Variants in SSBP2 observed in about 807,000 individuals in gnomAD.
SSBP2 encodes the protein single stranded DNA binding protein 2.
In SSBP2, 17 loss-of-function variants were observed where a neutral mutation model predicts 61.8. The observed-to-expected ratio is 0.28, with a 90% CI of 0.19 to 0.41. The LOEUF (loss-of-function observed/expected upper bound fraction) is 0.41, where lower values mean the gene tolerates loss of function less well. Among genes scored for constraint, SSBP2 ranks in the 10% least tolerant of loss-of-function variants. The pLI, the probability that SSBP2 is intolerant of heterozygous loss-of-function variation, is 1.00. For synonymous variants in SSBP2, 139 were observed against 141.3 expected, an observed-to-expected ratio of 0.98 and a Z score of 0.12; for missense variants, 310 against 458.7, an observed-to-expected ratio of 0.68 and a Z score of 2.96.
intron 1 of SSBP2, among the ~76,000 whole-genome samples, chr5:81,729,895 TAA>T (rs1249378234): frequency 6.6e-6 from 1 of 152,060 alleles, no homozygotes; most frequent in Non-Finnish European, 1.5e-5. Flanking sequence ...TAGGTCAAAA[TAA>T]ATAGTTATAT....
At chr5:81,636,648 CTAA>C (rs762750089) in intron 2 of SSBP2, 30 bp from the exon 3 acceptor site, 16 of 1,505,018 alleles carry the variant, frequency 1.1e-5, no homozygotes, top group Non-Finnish European at 1.2e-5. Context: ...TATTACTTTC[CTAA>C]TAATACTTTT....
chr5:81,561,741 A>G (rs563888952), intron 4 of SSBP2, among the ~76,000 whole-genome samples: 3 of 152,256 alleles, frequency 2.0e-5, no homozygotes, highest in South Asian at 2.1e-4. Flanking sequence ...TTGCATCAAG[A>G]TAGCAATTGT....
At chr5:81,723,983 A>C (rs1418022906) in intron 1 of SSBP2, among the ~76,000 whole-genome samples, 2 of 151,928 alleles carry the variant, frequency 1.3e-5, no homozygotes, top group Non-Finnish European at 2.9e-5. Flanking sequence ...TATCACTTCT[A>C]ACCAAAACAC....
intron 1 of SSBP2, among the ~76,000 whole-genome samples, chr5:81,665,430 T>C (rs1751030510): frequency 6.6e-6 from 1 of 152,156 alleles, no homozygotes; most frequent in African/African-American, 2.4e-5. Context: ...CCGGTATCAG[T>C]CACTAGAGAA....
chr5:81,720,593 A>G (rs961230766), intron 1 of SSBP2, among the ~76,000 whole-genome samples: 4 of 152,218 alleles, frequency 2.6e-5, no homozygotes, highest in African/African-American at 9.6e-5. Flanking sequence ...GATTTCAAAG[A>G]CATCACTAGT....
chr5:81,696,962 A>G (rs1477285023), intron 1 of SSBP2, among the ~76,000 whole-genome samples: 2 of 152,200 alleles, frequency 1.3e-5, no homozygotes, highest in Non-Finnish European at 2.9e-5. Context: ...GAGAAGTCCA[A>G]CATCTCCAAG....
intron 3 of SSBP2, among the ~76,000 whole-genome samples, chr5:81,623,335 T>TC (rs1186848703): frequency 2.8e-5 from 4 of 144,062 alleles, no homozygotes; most frequent in Non-Finnish European, 4.6e-5. Flanking sequence ...GTAGTACTTT[T>TC]TTTTTTTTTT....
rs183923163 is a variant in SSBP2 at position 81,636,490 on chromosome 5, A to C, written c.197+67T>G. On this transcript the variant is annotated intron_variant, in intron 3 of 16. Transcript: ENST00000320672. ...ATAAAAAGGAAGCATGAAATCATAA[A>C]CAGGTATAGTACAGGCCTATTGAAA... 6.2e-4 allele frequency: 718 copies of C among 1,159,874 alleles called. 3 individuals carry two copies. In the African/African-American group the frequency reaches 1.0e-2, roughly 16 times the overall value. The allele number at this position is 1,159,874 out of a possible 1,614,324, so 71.8% of individuals were successfully genotyped here.
intron 2 of SSBP2, among the ~76,000 whole-genome samples, chr5:81,637,854 G>GA (rs1419541051): frequency 1.3e-5 from 2 of 152,214 alleles, no homozygotes; most frequent in South Asian, 4.1e-4. Context: ...GAACCAACCC[G>GA]AATGTCCAAC....
chr5:81,445,696 A>G (rs1296197984), intron 12 of SSBP2, among the ~76,000 whole-genome samples: 1 of 152,158 alleles, frequency 6.6e-6, no homozygotes, highest in African/African-American at 2.4e-5. Context: ...TATTGGTATG[A>G]TCAATGATAC....
At chr5:81,592,005 C>T (rs953126149) in intron 4 of SSBP2, among the ~76,000 whole-genome samples, 8 of 152,200 alleles carry the variant, frequency 5.3e-5, no homozygotes, top group African/African-American at 1.4e-4. Context: ...GTGGGTGCAG[C>T]GCACTGTGCG....
intron 4 of SSBP2, among the ~76,000 whole-genome samples, chr5:81,593,059 T>C (rs993568038): frequency 5.3e-5 from 8 of 151,838 alleles, no homozygotes; most frequent in African/African-American, 1.9e-4. Context: ...CAGGAGGAAA[T>C]CTGAACCAAT....
chr5:81,740,732 T>G (rs553759431), intron 1 of SSBP2, among the ~76,000 whole-genome samples: 1 of 152,210 alleles, frequency 6.6e-6, no homozygotes, highest in Non-Finnish European at 1.5e-5. Flanking sequence ...GAGAAACAGC[T>G]CTATCTGAAA....
intron 4 of SSBP2, among the ~76,000 whole-genome samples, chr5:81,536,493 C>A (rs1369138695): frequency 6.6e-6 from 1 of 151,972 alleles, no homozygotes; most frequent in Admixed American, 6.6e-5. Context: ...CCTGATAGGC[C>A]CCAGTAACTT....
At chr5:81,660,548 C>A (rs1466632183) in intron 1 of SSBP2, among the ~76,000 whole-genome samples, 1 of 152,186 alleles carries the variant, frequency 6.6e-6, no homozygotes, top group African/African-American at 2.4e-5. Flanking sequence ...AATGCTTTTA[C>A]ACTGTTGGTG....
chr5:81,504,599 T>C (rs1768038192), intron 5 of SSBP2, among the ~76,000 whole-genome samples: 1 of 152,198 alleles, frequency 6.6e-6, no homozygotes, highest in Non-Finnish European at 1.5e-5. Context: ...ATACATCTTT[T>C]TGATGAGCCC....
At chr5:81,750,658 T>G in intron 1 of SSBP2, 1 of 280,428 alleles carries the variant, frequency 3.6e-6, no homozygotes, top group Non-Finnish European at 6.7e-6. Flanking sequence ...AGCTCTAAAG[T>G]TACTTTGGAA....
At chr5:81,587,788 T>C (rs569081925) in intron 4 of SSBP2, among the ~76,000 whole-genome samples, 1 of 143,776 alleles carries the variant, frequency 7.0e-6, no homozygotes, top group African/African-American at 2.5e-5. Flanking sequence ...CACACACTAA[T>C]GCTTGAAACA....
intron 5 of SSBP2, among the ~76,000 whole-genome samples, chr5:81,494,156 T>C (rs1327702205): frequency 1.3e-5 from 2 of 152,216 alleles, no homozygotes; most frequent in Admixed American, 6.5e-5. Context: ...CTGTTGTCTT[T>C]CCTCAAAAGT....
Sources: gnomAD v4.1 joint callset for allele counts (sites outside exome capture counted in the v4.1 genomes callset) on GRCh38, gnomAD v4.1.1 for gene constraint, MANE v1.5 for transcripts, NCBI Gene and HGNC (gene_info 2026-07-23, HGNC 2026-07-21) for gene names.